The following PPIL4 variants were observed in gnomAD, a reference collection of about 807,000 sequenced individuals.
PPIL4 encodes peptidylprolyl isomerase like 4, also known as peptidyl-prolyl cis-trans isomerase-like 4.
Under a neutral mutation model 69.1 loss-of-function variants are expected in PPIL4, and 50 were observed. That is an observed-to-expected ratio of 0.72 (90% confidence interval 0.58 to 0.92). The LOEUF is 0.92. Among genes scored for constraint, PPIL4 ranks in the 40% least tolerant of loss-of-function variants. The pLI is 0.00. For synonymous variants in PPIL4, 193 were observed against 191.6 expected, an observed-to-expected ratio of 1.01 and a Z score of -0.06; for missense variants, 480 against 587.9, an observed-to-expected ratio of 0.82 and a Z score of 1.90.
At chr6:149,536,859 C>A (rs991847299) in intron 4 of PPIL4, among the ~76,000 whole-genome samples, 4 of 152,146 alleles carry the variant, frequency 2.6e-5, no homozygotes, top group Non-Finnish European at 5.9e-5. Context: ...GGTGCAGTGG[C>A]TCACGCCTAT....
intron 9 of PPIL4, among the ~76,000 whole-genome samples, chr6:149,524,501 A>G (rs892301405): frequency 2.6e-5 from 4 of 152,226 alleles, no homozygotes; most frequent in Admixed American, 1.3e-4. Context: ...TAATATCTAA[A>G]TCTTAACACC....
chr6:149,521,126 T>C lies in PPIL4; in HGVS notation c.916A>G (p.Ile306Val), dbSNP rs1206246470. Residue 306 changes from isoleucine to valine, a missense_variant, in exon 10 of 13, where the codon ATA becomes GTA. By Grantham distance (29) the Ile-to-Val change is conservative. Transcript: ENST00000253329. ...TCCACATGTATTCTTCTGTCATCTA[T>C]AAGCACATTGTCCATTTTGAAGAAT... ...KAFFKMDNVL[I>V]DDRRIHVDFS... The C allele has an allele frequency of 6.2e-7, 1 of 1,607,126 alleles. No homozygotes were observed. The highest frequency in any genetic ancestry group is 1.3e-5 in the African/African-American group (1 of 74,696).
intron 1 of PPIL4, 61 bp from the exon 2 acceptor site, chr6:149,541,647 A>C: frequency 1.1e-6 from 1 of 921,544 alleles, no homozygotes; most frequent in East Asian, 2.4e-5. Flanking sequence ...TTAAATAAGT[A>C]AAGCCACAGT....
At chr6:149,524,479 C>G (rs1777076820) in intron 9 of PPIL4, among the ~76,000 whole-genome samples, 1 of 152,144 alleles carries the variant, frequency 6.6e-6, no homozygotes, top group East Asian at 1.9e-4. Context: ...TGGCTAATAA[C>G]AAAAGATGTA....
At chr6:149,512,466 T>TTATA (rs1337319005) in intron 11 of PPIL4, among the ~76,000 whole-genome samples, 164 bp from the exon 12 acceptor site, 2 of 152,150 alleles carry the variant, frequency 1.3e-5, no homozygotes, top group Non-Finnish European at 2.9e-5. Flanking sequence ...TTTTCTTTCA[T>TTATA]TATATAGTCA....
intron 1 of PPIL4, 101 bp from the exon 2 acceptor site, chr6:149,541,687 G>GAA: frequency 1.5e-6 from 1 of 661,356 alleles, no homozygotes; most frequent in South Asian, 2.0e-5. Context: ...ACTATTAAAA[G>GAA]AAAAAAAAAG....
chr6:149,543,248 C>G (rs1324979165), intron 1 of PPIL4, among the ~76,000 whole-genome samples: 2 of 152,132 alleles, frequency 1.3e-5, no homozygotes, highest in Non-Finnish European at 2.9e-5. Flanking sequence ...AAACTGGAAC[C>G]TAATCAAGGC....
chr6:149,545,867 G>A (rs1777432577), intron 1 of PPIL4, 69 bp downstream of exon 1: 3 of 1,410,036 alleles, frequency 2.1e-6, no homozygotes, highest in Non-Finnish European at 2.9e-6. Flanking sequence ...CCTGGACTGC[G>A]CAGAGAAGGG....
chr6:149,506,473 G>GA (rs1776773467), intron 12 of PPIL4, among the ~76,000 whole-genome samples: 1 of 151,960 alleles, frequency 6.6e-6, no homozygotes. Flanking sequence ...ACTCCATCTC[G>GA]AAAAAAGAAA....
chr6:149,525,361 C>CT (rs1777091437), intron 8 of PPIL4, 152 bp from the exon 9 acceptor site: 4 of 519,628 alleles, frequency 7.7e-6, no homozygotes, highest in Non-Finnish European at 1.4e-5. Context: ...AATAACAATT[C>CT]TTTTTTAAAA....
At chr6:149,518,229 G>T (rs1776977438) in intron 10 of PPIL4, among the ~76,000 whole-genome samples, 1 of 152,116 alleles carries the variant, frequency 6.6e-6, no homozygotes, top group African/African-American at 2.4e-5. Flanking sequence ...TAACTAGCTT[G>T]GTAGGGCTAG....
intron 12 of PPIL4, among the ~76,000 whole-genome samples, chr6:149,510,674 G>A (rs62442792): frequency 0.2 from 29,656 of 151,956 alleles, 4,399 homozygotes; most frequent in East Asian, 0.77. Flanking sequence ...CCCAGGAGGC[G>A]GAGGTTGCAG....
chr6:149,544,922 G>T (rs1777416184), intron 1 of PPIL4, among the ~76,000 whole-genome samples: 1 of 152,102 alleles, frequency 6.6e-6, no homozygotes, highest in Non-Finnish European at 1.5e-5. Flanking sequence ...GACCCTGTTT[G>T]TAACTAATCT....
At chr6:149,537,928 C>T (rs1385359089) in intron 4 of PPIL4, among the ~76,000 whole-genome samples, 2 of 152,068 alleles carry the variant, frequency 1.3e-5, no homozygotes, top group Admixed American at 6.6e-5. Flanking sequence ...CTCCAGGTCA[C>T]CCAGGAGCTC....
chr6:149,542,773 G>A (rs1777382660), intron 1 of PPIL4, among the ~76,000 whole-genome samples: 1 of 152,110 alleles, frequency 6.6e-6, no homozygotes, highest in African/African-American at 2.4e-5. Context: ...GAGAGTGAAG[G>A]GTGAGCATTT....
Position 149,517,453 on chromosome 6 carries a change from A to G in PPIL4, c.983-3T>C. The G allele has an allele frequency of 6.8e-7, 1 of 1,474,768 alleles. No individual in the cohort carries two copies. Among genetic ancestry groups the G allele is most frequent in the South Asian group, 1.3e-5 (1 of 77,786 alleles). 91.4% of individuals were successfully genotyped at this position (1,474,768 alleles called of 1,614,324 possible). ...ATCACTCTTGGTGTATTTCCCACCT[A>G]TTTATTAAGAAAAGAAAAAAAGAGC... is the stretch of plus-strand genomic sequence containing the variant. On this transcript the variant is annotated splice_region_variant and splice_polypyrimidine_tract_variant and intron_variant, in intron 10 of 12. Transcript: ENST00000253329.
intron 7 of PPIL4, among the ~76,000 whole-genome samples, chr6:149,532,124 A>G (rs1015705191): frequency 7.2e-5 from 11 of 152,204 alleles, no homozygotes; most frequent in Non-Finnish European, 1.5e-4. Flanking sequence ...ACTGTCAAAT[A>G]GTCGAGAAAA....
intron 12 of PPIL4, among the ~76,000 whole-genome samples, chr6:149,508,571 G>A (rs77920596): frequency 0.033 from 5,037 of 152,150 alleles, 301 homozygotes; most frequent in African/African-American, 0.11. Context: ...CAAAGATCTG[G>A]TTAAATCTTA....
chr6:149,531,603 T>C (rs1324621454), intron 7 of PPIL4, among the ~76,000 whole-genome samples: 6 of 152,112 alleles, frequency 3.9e-5, no homozygotes, highest in African/African-American at 1.4e-4. Flanking sequence ...GATTCTAGTC[T>C]GGAGGAGGAA....
Sources: gnomAD v4.1 joint callset for allele counts (sites outside exome capture counted in the v4.1 genomes callset) on GRCh38, gnomAD v4.1.1 for gene constraint, MANE v1.5 for transcripts, NCBI Gene and HGNC (gene_info 2026-07-23, HGNC 2026-07-21) for gene names.